TXLNB: variants seen among roughly 807,000 people sequenced by gnomAD.
TXLNB encodes taxilin beta.
Under a neutral mutation model 57.4 loss-of-function variants are expected in TXLNB, and 37 were observed. The observed-to-expected ratio is 0.64, with a 90% CI of 0.50 to 0.85. The LOEUF (loss-of-function observed/expected upper bound fraction) is 0.85, where lower values mean the gene tolerates loss of function less well. TXLNB is among the 40% of genes least tolerant of loss of function. The pLI, the probability that TXLNB is intolerant of heterozygous loss-of-function variation, is 0.00. For synonymous variants in TXLNB, 302 were observed against 309.6 expected (o/e 0.98, Z 0.26); for missense variants, 848 against 825.6 (o/e 1.03, Z -0.33).
At chr6:139,301,371 T>C in the TXLNB span, among the ~76,000 whole-genome samples, 2 of 152,132 alleles carry the variant, frequency 1.3e-5, no homozygotes, top group East Asian at 1.9e-4. Context: ...AGGGTGAAAA[T>C]ATTACTATTA....
At chr6:139,251,096 A>C (rs1776194012) in intron 7 of TXLNB, among the ~76,000 whole-genome samples, 1 of 152,180 alleles carries the variant, frequency 6.6e-6, no homozygotes, top group Non-Finnish European at 1.5e-5. Flanking sequence ...GAGTTCTGAG[A>C]AGTAGTGTCT....
intron 7 of TXLNB, among the ~76,000 whole-genome samples, chr6:139,248,689 CTACA>C (rs1776125275): frequency 6.6e-6 from 1 of 152,114 alleles, no homozygotes; most frequent in Non-Finnish European, 1.5e-5. Flanking sequence ...GGGACAATGG[CTACA>C]TAGTCAAGTC....
the TXLNB span, among the ~76,000 whole-genome samples, chr6:139,301,652 G>T: frequency 6.6e-6 from 1 of 152,294 alleles, no homozygotes; most frequent in East Asian, 1.9e-4. Context: ...CGAAGAAAGT[G>T]CTGTACTCTA....
intron 1 of TXLNB, 75 bp from the exon 2 acceptor site, chr6:139,288,988 G>T: frequency 1.9e-6 from 2 of 1,078,814 alleles, no homozygotes; most frequent in Non-Finnish European, 2.7e-6. Flanking sequence ...CAATGGTAAG[G>T]ATATCCCCCA....
At chr6:139,227,948 C>G in the TXLNB span, among the ~76,000 whole-genome samples, 16 of 152,166 alleles carry the variant, frequency 1.1e-4, no homozygotes, top group African/African-American at 3.6e-4. Context: ...TGCTCTATTT[C>G]TTGACCCAGG....
the TXLNB span, among the ~76,000 whole-genome samples, chr6:139,208,917 A>T: frequency 6.6e-6 from 1 of 152,174 alleles, no homozygotes; most frequent in Non-Finnish European, 1.5e-5. Context: ...TCCATTCAAC[A>T]TAGTACTGGA....
the TXLNB span, among the ~76,000 whole-genome samples, chr6:139,170,815 G>A: frequency 6.6e-6 from 1 of 152,146 alleles, no homozygotes; most frequent in Non-Finnish European, 1.5e-5. Context: ...GAGGAAAGGT[G>A]CGGGAAAGGG....
chr6:139,276,117 G>A (rs1776888580), intron 3 of TXLNB, among the ~76,000 whole-genome samples: 1 of 152,124 alleles, frequency 6.6e-6, no homozygotes, highest in Non-Finnish European at 1.5e-5. Context: ...GCCCCATATA[G>A]TACATGCTGA....
chr6:139,309,914 C>G, the TXLNB span, among the ~76,000 whole-genome samples: 1 of 152,136 alleles, frequency 6.6e-6, no homozygotes, highest in East Asian at 1.9e-4. Flanking sequence ...GCTGGAAAAA[C>G]TAGATTACCA....
the TXLNB span, among the ~76,000 whole-genome samples, chr6:139,160,197 TACTG>T: frequency 2.0e-5 from 3 of 152,194 alleles, no homozygotes; most frequent in Admixed American, 1.3e-4. Context: ...AGAAGCTGGG[TACTG>T]ACTACTTGAT....
At chr6:139,293,161 A>G (rs1777334665), upstream of TXLNB, among the ~76,000 whole-genome samples, 1 of 152,066 alleles carries the variant, frequency 6.6e-6, no homozygotes, top group African/African-American at 2.4e-5. Flanking sequence ...GCAGTGGTGC[A>G]ATCTCAGCTC....
At chr6:139,320,357 A>C in the TXLNB span, among the ~76,000 whole-genome samples, 2 of 152,238 alleles carry the variant, frequency 1.3e-5, no homozygotes, top group Admixed American at 6.5e-5. Context: ...TCTGGAAACC[A>C]CAAGGAATAT....
At position 139,242,985 on chromosome 6, in the gene TXLNB, C is replaced by T. The variant is rs190261510; in HGVS notation, c.1596G>A (p.Glu532=). 1.5e-5 allele frequency: 24 copies of T among 1,614,148 alleles called. No individual in the cohort carries two copies. The highest frequency in any genetic ancestry group is 2.0e-5 in the Non-Finnish European group (24 of 1,180,036). Residue 532 remains glutamate (E), a synonymous_variant, in exon 10 of 10, where the codon GAG becomes GAA. Coordinates refer to ENST00000358430, the MANE Select transcript of TXLNB (RefSeq NM_153235.4). ...ETQPEIGSSQ[E]SADAALKEPE... Reference sequence around the variant, plus strand: ...GCTCCTTGAGAGCGGCGTCAGCACTCTCCTGAGAACTGCCTATTTCGGGTT... The same window carrying T: ...GCTCCTTGAGAGCGGCGTCAGCACTTTCCTGAGAACTGCCTATTTCGGGTT...
chr6:139,231,638 A>G, the TXLNB span, among the ~76,000 whole-genome samples: 4 of 152,182 alleles, frequency 2.6e-5, no homozygotes, highest in Non-Finnish European at 5.9e-5. Context: ...CTCATAGAAT[A>G]AAACTCTCCC....
upstream of TXLNB, among the ~76,000 whole-genome samples, chr6:139,296,347 A>G (rs1777388818): frequency 6.6e-6 from 1 of 152,142 alleles, no homozygotes; most frequent in Admixed American, 6.6e-5. Flanking sequence ...ATCTTAAGAC[A>G]TATTATTTTC....
At chr6:139,247,125 A>T (rs1402186154) in intron 8 of TXLNB, among the ~76,000 whole-genome samples, 1 of 152,070 alleles carries the variant, frequency 6.6e-6, no homozygotes, top group Non-Finnish European at 1.5e-5. Flanking sequence ...TTGTATATTC[A>T]TATAAAAGTT....
At chr6:139,280,026 G>A (rs550416814) in intron 2 of TXLNB, among the ~76,000 whole-genome samples, 13 of 152,032 alleles carry the variant, frequency 8.6e-5, no homozygotes, top group Middle Eastern at 3.4e-3. Flanking sequence ...TTGCCGAGGC[G>A]GGCAGATCAC....
At chr6:139,298,641 C>T in the TXLNB span, among the ~76,000 whole-genome samples, 2 of 152,160 alleles carry the variant, frequency 1.3e-5, no homozygotes, top group Non-Finnish European at 2.9e-5. Flanking sequence ...CAATGACATT[C>T]CCCTAAAGCA....
At chr6:139,214,700 C>T in the TXLNB span, among the ~76,000 whole-genome samples, 1 of 152,196 alleles carries the variant, frequency 6.6e-6, no homozygotes, top group Non-Finnish European at 1.5e-5. Flanking sequence ...TCCCTCTTTG[C>T]AGATGACACG....
Sources: gnomAD v4.1 joint callset for allele counts (sites outside exome capture counted in the v4.1 genomes callset) on GRCh38, gnomAD v4.1.1 for gene constraint, MANE v1.5 for transcripts, NCBI Gene and HGNC (gene_info 2026-07-23, HGNC 2026-07-21) for gene names.